PDGFRA: variants seen among roughly 807,000 people sequenced by gnomAD.
PDGFRA encodes platelet-derived growth factor receptor alpha.
PDGFRA carries 25 observed loss-of-function variants against 121.5 expected under a neutral mutation model. That is an observed-to-expected ratio of 0.21 (90% confidence interval 0.15 to 0.29). The LOEUF is 0.29. Among genes scored for constraint, PDGFRA ranks in the 10% least tolerant of loss-of-function variants. The probability of loss-of-function intolerance (pLI) is 1.00; values close to 1 mark genes in which losing one functional copy is unlikely to be tolerated. For missense variants in PDGFRA, 1,008 were observed against 1,345.1 expected (o/e 0.75, Z 3.92); for synonymous variants, 463 against 494.8 (o/e 0.94, Z 0.85).
intron 1 of PDGFRA, among the ~76,000 whole-genome samples, chr4:54,251,512 G>T (rs1722054273): frequency 6.6e-6 from 1 of 152,164 alleles, no homozygotes; most frequent in African/African-American, 2.4e-5. Flanking sequence ...CACAATTAAA[G>T]AAACTGCTTA....
intron 1 of PDGFRA, among the ~76,000 whole-genome samples, chr4:54,232,533 T>C (rs1417280505): frequency 6.6e-6 from 1 of 152,082 alleles, no homozygotes; most frequent in African/African-American, 2.4e-5. Context: ...CGCGGACTCT[T>C]GAGGGGGCAG....
chr4:54,258,330 G>A (rs2110233838), intron 1 of PDGFRA, among the ~76,000 whole-genome samples: 1 of 152,148 alleles, frequency 6.6e-6, no homozygotes, highest in African/African-American at 2.4e-5. Context: ...AGGTCAAAAT[G>A]GCACTGAAAT....
chr4:54,293,568 T>C (rs377511094), intron 22 of PDGFRA, among the ~76,000 whole-genome samples: 2 of 151,872 alleles, frequency 1.3e-5, no homozygotes, highest in East Asian at 1.9e-4. Context: ...GTAGCTGGGA[T>C]TACAGGCACA....
chr4:54,268,351 C>T (rs1164830548), intron 7 of PDGFRA, among the ~76,000 whole-genome samples: 1 of 152,084 alleles, frequency 6.6e-6, no homozygotes, highest in Non-Finnish European at 1.5e-5. Context: ...TCCTCATCTA[C>T]AATGTAGGAT....
Position 54,280,394 on chromosome 4 carries a change from G to A in PDGFRA, c.2235G>A (p.Met745Ile), listed in dbSNP as rs763727620. ...KQADTTQYVP[M>I]LERKEVSKYS... ...CTGATACTACACAGTATGTCCCCAT[G>A]CTAGAAAGGAAAGAGGTTTCTAAAT... The change falls in exon 16 of 23, where the codon ATG (methionine) becomes ATA (isoleucine). Residue 745 changes from methionine to isoleucine, a missense_variant. By Grantham distance (10) the Met-to-Ile change is conservative. This residue lies in a region of PDGFRA where 128 missense variants were observed against 147.6 expected (regional missense o/e 0.87). Coordinates refer to ENST00000257290, the MANE Select transcript of PDGFRA (RefSeq NM_006206.6). 6.2e-7 allele frequency: 1 copy of A among 1,612,810 alleles called. No homozygotes were observed. Among genetic ancestry groups the A allele is most frequent in the East Asian group, 2.2e-5 (1 of 44,864 alleles).
At chr4:54,270,940 C>T (rs1723317340) in intron 8 of PDGFRA, among the ~76,000 whole-genome samples, 192 bp downstream of exon 8, 1 of 152,140 alleles carries the variant, frequency 6.6e-6, no homozygotes, top group Admixed American at 6.5e-5. Context: ...TTCTGGGTTA[C>T]TCTAGAGTAG....
At chr4:54,234,740 G>A (rs552038512) in intron 1 of PDGFRA, among the ~76,000 whole-genome samples, 1 of 152,156 alleles carries the variant, frequency 6.6e-6, no homozygotes, top group South Asian at 2.1e-4. Context: ...TCTGAGTGAG[G>A]AGACCTATGT....
At chr4:54,230,947 A>G (rs1720627462) in intron 1 of PDGFRA, among the ~76,000 whole-genome samples, 4 of 152,226 alleles carry the variant, frequency 2.6e-5, no homozygotes. Flanking sequence ...GGTGTCGGCC[A>G]GGTCGGAGCG....
At chr4:54,248,420 C>T (rs1375135425) in intron 1 of PDGFRA, among the ~76,000 whole-genome samples, 5 of 152,140 alleles carry the variant, frequency 3.3e-5, no homozygotes, top group African/African-American at 1.2e-4. Flanking sequence ...CGCATATCTA[C>T]AACTATCTGA....
At chr4:54,288,360 C>A (rs11733839) in intron 19 of PDGFRA, among the ~76,000 whole-genome samples, 2 of 152,020 alleles carry the variant, frequency 1.3e-5, no homozygotes, top group East Asian at 2.0e-4. Flanking sequence ...GATCATCCCC[C>A]AGTGGCTTAA....
intron 1 of PDGFRA, among the ~76,000 whole-genome samples, chr4:54,253,165 G>A (rs1577694339): frequency 6.6e-6 from 1 of 152,210 alleles, no homozygotes; most frequent in Non-Finnish European, 1.5e-5. Flanking sequence ...GGCAAGTTAT[G>A]TGGCTTCTGG....
Position 54,237,266 on chromosome 4 carries a change from G to A in PDGFRA, c.-13+7851G>A, listed in dbSNP as rs535072485. ...ATTACAGATGTGAGCCACCACGCCCGGCCTCATTGGCCACTTTATATGTCA... is the reference window on the plus strand; with the variant it reads ...ATTACAGATGTGAGCCACCACGCCCAGCCTCATTGGCCACTTTATATGTCA... On this transcript the variant is annotated intron_variant, in intron 1 of 22. Coordinates refer to ENST00000257290, the MANE Select transcript of PDGFRA (RefSeq NM_006206.6). Among the ~76,000 whole-genome samples, 249 of 152,212 alleles carry A rather than the reference G, an allele frequency of 1.6e-3. 1 individual carries two copies. Among genetic ancestry groups the A allele is most frequent in the Admixed American group, 3.1e-3 (47 of 15,286 alleles).
At chr4:54,256,456 T>C (rs1176666017) in intron 1 of PDGFRA, among the ~76,000 whole-genome samples, 1 of 151,726 alleles carries the variant, frequency 6.6e-6, no homozygotes, top group Non-Finnish European at 1.5e-5. Flanking sequence ...CAGGCTGGTC[T>C]CGAACTCCTG....
At position 54,295,262 on chromosome 4, in the gene PDGFRA, G is replaced by A; in HGVS notation, c.3260G>A (p.Ser1087Asn). The A allele has an allele frequency of 6.2e-7, 1 of 1,614,124 alleles. No homozygotes were observed. Among genetic ancestry groups the A allele is most frequent in the Non-Finnish European group, 8.5e-7 (1 of 1,179,996 alleles). ...GACTCTTCAGACCTGGTGGAAGACA[G>A]CTTCCTGTAACTGGCGGATTCGAGG... ...GIDSSDLVEDSFL is the reference protein window; with the variant it reads ...GIDSSDLVEDNFL Residue 1087 changes from serine (S) to asparagine (N), a missense_variant, in exon 23 of 23, where the codon AGC becomes AAC. Coordinates refer to ENST00000257290, the MANE Select transcript of PDGFRA (RefSeq NM_006206.6).
chr4:54,276,004 A>G (rs999010258), intron 12 of PDGFRA, among the ~76,000 whole-genome samples: 1 of 152,184 alleles, frequency 6.6e-6, no homozygotes, highest in African/African-American at 2.4e-5. Flanking sequence ...ACAAGATTAG[A>G]AAGTATGGTT....
chr4:54,257,263 C>T (rs1165630400), intron 1 of PDGFRA, among the ~76,000 whole-genome samples: 1 of 152,194 alleles, frequency 6.6e-6, no homozygotes, highest in African/African-American at 2.4e-5. Context: ...ACCTTCAGTT[C>T]TGGGAATTTC....
At chr4:54,234,818 G>T (rs1037366416) in intron 1 of PDGFRA, among the ~76,000 whole-genome samples, 1 of 152,132 alleles carries the variant, frequency 6.6e-6, no homozygotes, top group Admixed American at 6.5e-5. Context: ...GTGCCATTAG[G>T]AGTCACACCC....
At chr4:54,287,867 G>A (rs1435734887) in intron 19 of PDGFRA, among the ~76,000 whole-genome samples, 1 of 152,134 alleles carries the variant, frequency 6.6e-6, no homozygotes, top group Non-Finnish European at 1.5e-5. Context: ...TTGGGCTTTG[G>A]GTCACATGGG....
intron 22 of PDGFRA, among the ~76,000 whole-genome samples, chr4:54,294,359 T>C (rs1724775630): frequency 6.6e-6 from 1 of 152,070 alleles, no homozygotes; most frequent in Admixed American, 6.5e-5. Context: ...GGGTTCTGCT[T>C]TTATATAAAG....
Sources: gnomAD v4.1 joint callset for allele counts (sites outside exome capture counted in the v4.1 genomes callset) on GRCh38, gnomAD v4.1.1 for gene constraint, gnomAD v4.1.1 regional missense constraint, MANE v1.5 for transcripts, NCBI Gene and HGNC (gene_info 2026-07-23, HGNC 2026-07-21) for gene names.